Variants in STARD9 observed in about 807,000 individuals in gnomAD.
The protein encoded by STARD9 is stAR-related lipid transfer protein 9.
A neutral mutation model predicts 399.8 loss-of-function variants in STARD9; 346 were observed. The observed-to-expected ratio is 0.87, with a 90% CI of 0.79 to 0.95. The LOEUF (loss-of-function observed/expected upper bound fraction) is 0.95. Ranked by LOEUF, STARD9 falls within the 40% of genes least tolerant of loss-of-function variation. The pLI is 0.00. For missense variants in STARD9, 5,832 were observed against 5,667.5 expected, an observed-to-expected ratio of 1.03 and a Z score of -0.93; for synonymous variants, 2,203 against 2,143.5, an observed-to-expected ratio of 1.03 and a Z score of -0.77.
chr15:42,590,084 C>T (rs2058364916), intron 3 of STARD9, among the ~76,000 whole-genome samples: 1 of 151,806 alleles, frequency 6.6e-6, no homozygotes, highest in Non-Finnish European at 1.5e-5. Context: ...CCTCAGCCTC[C>T]TGAGTAGCTG....
intron 4 of STARD9, 150 bp downstream of exon 4, chr15:42,635,122 T>C: frequency 2.0e-6 from 1 of 503,586 alleles, no homozygotes; most frequent in Admixed American, 3.8e-5. Context: ...AATGAGTTTT[T>C]CGGCTGGGCG....
intron 11 of STARD9, 118 bp from the exon 12 acceptor site, chr15:42,663,163 A>G (rs1243480779): frequency 1.0e-6 from 1 of 964,182 alleles, no homozygotes; most frequent in Non-Finnish European, 1.5e-6. Context: ...ATCCTATTGT[A>G]TGCAGAAGGG....
intron 1 of STARD9, among the ~76,000 whole-genome samples, chr15:42,577,978 C>T (rs2058090745): frequency 6.6e-6 from 1 of 152,178 alleles, no homozygotes; most frequent in African/African-American, 2.4e-5. Context: ...AATGGTTTGG[C>T]TTAAGTTCTA....
At chr15:42,682,646 G>C in intron 22 of STARD9, 71 bp downstream of exon 22, 2 of 1,251,768 alleles carry the variant, frequency 1.6e-6, no homozygotes, top group Non-Finnish European at 1.1e-6. Context: ...GTAGTTTTCT[G>C]TTTTTCCCCA....
At chr15:42,650,233 T>C (rs1198244624) in intron 7 of STARD9, among the ~76,000 whole-genome samples, 1 of 152,172 alleles carries the variant, frequency 6.6e-6, no homozygotes, top group Non-Finnish European at 1.5e-5. Context: ...TTCTATTGAC[T>C]ATTATTTTTG....
intron 3 of STARD9, among the ~76,000 whole-genome samples, chr15:42,611,193 T>G (rs1037389696): frequency 9.2e-5 from 14 of 152,348 alleles, no homozygotes; most frequent in African/African-American, 2.9e-4. Context: ...AAAGATTTTT[T>G]GAAATACAGC....
In STARD9 at chr15:42,634,907, A is replaced by G; in HGVS notation, c.286A>G (p.Asn96Asp). The change falls in exon 4 of 33, where the codon AAC becomes GAC. Residue 96 changes from asparagine (N) to aspartate (D), a missense_variant. By Grantham distance (23) the Asn-to-Asp change is conservative. Around this residue, in one of 2 missense-constraint regions of STARD9, gnomAD observed 5,828 missense variants for 5,651.1 expected, o/e 1.03. Coordinates refer to ENST00000290607, the MANE Select transcript of STARD9 (RefSeq NM_020759.3). ...EVLSGVAKGYNICLFAYGQTG... is the reference protein window; with the variant it reads ...EVLSGVAKGYDICLFAYGQTG... ...ACTGTCTGGAGTTGCCAAAGGCTAT[A>G]ACATATGCCTTTTTGCTTATGGACA... The G allele has an allele frequency of 1.3e-6, 2 of 1,537,066 alleles. No homozygotes were observed. The highest frequency in any genetic ancestry group is 1.7e-6 in the Non-Finnish European group (2 of 1,146,750).
Position 42,692,786 on chromosome 15 carries a change from C to T in STARD9, c.11208C>T (p.Ser3736=). The T allele has an allele frequency of 6.5e-7, 1 of 1,537,144 alleles. No homozygotes were observed. The highest frequency in any genetic ancestry group is 8.7e-7 in the Non-Finnish European group (1 of 1,146,890). The change falls in exon 23 of 33, where the codon AGC becomes AGT. Residue 3736 remains serine, a synonymous_variant. Coordinates refer to ENST00000290607, the MANE Select transcript of STARD9 (RefSeq NM_020759.3). ...CTCAGACCACTGTGGATGAGGGCAGCCAGACTGACCTCACCTTACCCACCC... is the reference window on the plus strand; with the variant it reads ...CTCAGACCACTGTGGATGAGGGCAGTCAGACTGACCTCACCTTACCCACCC... ...GSTQTTVDEG[S]QTDLTLPTLC...
chr15:42,652,387 G>T, intron 8 of STARD9, 133 bp from the exon 9 acceptor site: 1 of 743,542 alleles, frequency 1.3e-6, no homozygotes, highest in Non-Finnish European at 2.3e-6. Context: ...CACGATACTG[G>T]ACTAAATATG....
chr15:42,693,163 G>A lies in STARD9; in HGVS notation c.11585G>A (p.Ser3862Asn). 1 of 1,537,132 alleles carries A rather than the reference G, an allele frequency of 6.5e-7. No individual in the cohort carries two copies. Among genetic ancestry groups the A allele is most frequent in the African/African-American group, 1.4e-5 (1 of 73,128 alleles). ...TTAGTTGTCAGCAGTCCCAGTCCCA[G>A]CTCCCCTCATTCCCCAGGGCTCTTT... Reference protein sequence around the residue: ...YCLVVSSPSPSSPHSPGLFPS... With the variant: ...YCLVVSSPSPNSPHSPGLFPS... Residue 3862 changes from serine to asparagine, a missense_variant, in exon 23 of 33, where the codon AGC becomes AAC. By Grantham distance (46) the Ser-to-Asn change is conservative. Around this residue, in one of 2 missense-constraint regions of STARD9, gnomAD observed 5,828 missense variants for 5,651.1 expected, o/e 1.03. Coordinates refer to ENST00000290607, the MANE Select transcript of STARD9 (RefSeq NM_020759.3).
In STARD9 at chr15:42,695,144, C is replaced by T; in HGVS notation, c.12967C>T (p.Pro4323Ser). ...CCACCCCGTGATCTTCCTCAGGAGC[C>T]CAGAGTCAGTGTCAAGGTCAGCTCA... The part of the protein sequence containing the change: ...RKDVVETTRS[P>S]ESVSRSAHTP... The change falls in exon 25 of 33, where the codon CCA (proline) becomes TCA (serine). Residue 4323 changes from proline to serine, a missense_variant. Transcript: ENST00000290607. The T allele has an allele frequency of 6.5e-7, 1 of 1,527,948 alleles. No individual in the cohort carries two copies. The highest frequency in any genetic ancestry group is 8.8e-7 in the Non-Finnish European group (1 of 1,140,388). The allele number at this position is 1,527,948 out of a possible 1,614,324, so 94.6% of individuals were successfully genotyped here.
chr15:42,692,600 G>T lies in STARD9; in HGVS notation c.11022G>T (p.Trp3674Cys), dbSNP rs555037620. The T allele has an allele frequency of 6.5e-7, 1 of 1,537,072 alleles. No homozygotes were observed. The highest frequency in any genetic ancestry group is 1.2e-5 in the South Asian group (1 of 84,054). The change falls in exon 23 of 33, where the codon TGG becomes TGT. Residue 3674 changes from tryptophan (W) to cysteine (C), a missense_variant. Trp to Cys is a radical substitution (Grantham distance 215). This residue lies in a region of STARD9 where 5,828 missense variants were observed against 5,651.1 expected (regional missense o/e 1.03). Coordinates refer to ENST00000290607, the MANE Select transcript of STARD9 (RefSeq NM_020759.3). ...TATCAGCCTTTGATCTGGCCTCATG[G>T]ACCAGCATGCACAATCTGTCTCTCC... is the stretch of plus-strand genomic sequence containing the variant. ...SAVSAFDLAS[W>C]TSMHNLSLHL... is the part of the protein sequence containing the mutation.
chr15:42,592,359 A>G (rs2058415168), intron 3 of STARD9, among the ~76,000 whole-genome samples: 1 of 152,126 alleles, frequency 6.6e-6, no homozygotes, highest in South Asian at 2.1e-4. Flanking sequence ...AGTGAATGGG[A>G]TGTGGTTGGA....
chr15:42,692,903 G>A lies in STARD9; in HGVS notation c.11325G>A (p.Glu3775=). The A allele has an allele frequency of 6.5e-7, 1 of 1,537,272 alleles. No homozygotes were observed. The highest frequency in any genetic ancestry group is 8.7e-7 in the Non-Finnish European group (1 of 1,146,906). ...GSDTSTVSQE[E]GDVPGVPQKR... is the part of the protein sequence containing the mutation. ...ATACCTCGACTGTGTCTCAAGAAGAGGGAGATGTGCCAGGGGTACCTCAGA... is the reference window on the plus strand; with the variant it reads ...ATACCTCGACTGTGTCTCAAGAAGAAGGAGATGTGCCAGGGGTACCTCAGA... The change falls in exon 23 of 33, where the codon GAG becomes GAA. Residue 3775 remains glutamate, a synonymous_variant. Coordinates refer to ENST00000290607, the MANE Select transcript of STARD9 (RefSeq NM_020759.3).
intron 20 of STARD9, among the ~76,000 whole-genome samples, chr15:42,680,974 G>C (rs1380632091): frequency 3.3e-5 from 5 of 152,212 alleles, no homozygotes; most frequent in Non-Finnish European, 7.3e-5. Flanking sequence ...TGGAGGTGCA[G>C]TAACAATCTC....
chr15:42,597,737 A>G (rs1281424479), intron 3 of STARD9, among the ~76,000 whole-genome samples: 1 of 151,894 alleles, frequency 6.6e-6, no homozygotes, highest in African/African-American at 2.4e-5. Flanking sequence ...GAGTTTCACC[A>G]TGTTGGCCAG....
rs568429587 is a variant in STARD9 at position 42,642,042 on chromosome 15, AT to A, written c.559+3231del. ...GATCTTAGTAAACTTTTTTAAAAAAATGTTTTCTTTCTTTATTGATACATAT... is the reference window on the plus strand; with the variant it reads ...GATCTTAGTAAACTTTTTTAAAAAAAGTTTTCTTTCTTTATTGATACATAT... On this transcript the variant is annotated intron_variant, in intron 7 of 32. Transcript: ENST00000290607. Among the ~76,000 whole-genome samples the A allele has an allele frequency of 3.3e-3, 501 of 152,304 alleles. 3 individuals are homozygous for A. The highest frequency in any genetic ancestry group is 5.7e-3 in the Non-Finnish European group (385 of 68,014).
rs1473606142 is a variant in STARD9 at position 42,692,069 on chromosome 15, C to G, written c.10491C>G (p.Ser3497Arg). 1 of 1,537,224 alleles carries G rather than the reference C, an allele frequency of 6.5e-7. No individual in the cohort carries two copies. Among genetic ancestry groups the G allele is most frequent in the Non-Finnish European group, 8.7e-7 (1 of 1,146,912 alleles). ...MSGSAVDVSCSQKPQGLTLSN... is the reference protein window; with the variant it reads ...MSGSAVDVSCRQKPQGLTLSN... Reference sequence around the variant, plus strand: ...GCAGTGCAGTCGATGTTTCCTGCAGCCAGAAGCCCCAGGGGCTGACACTAT... The same window carrying G: ...GCAGTGCAGTCGATGTTTCCTGCAGGCAGAAGCCCCAGGGGCTGACACTAT... Residue 3497 changes from serine (S) to arginine (R), a missense_variant, in exon 23 of 33, where the codon AGC becomes AGG. Ser to Arg is a moderately radical substitution (Grantham distance 110). Coordinates refer to ENST00000290607, the MANE Select transcript of STARD9 (RefSeq NM_020759.3).
chr15:42,693,274 C>T lies in STARD9; in HGVS notation c.11696C>T (p.Ser3899Phe). The T allele has an allele frequency of 3.9e-6, 6 of 1,537,124 alleles. No individual in the cohort carries two copies. The highest frequency in any genetic ancestry group is 5.2e-6 in the Non-Finnish European group (6 of 1,146,896). The change falls in exon 23 of 33, where the codon TCC becomes TTC. Residue 3899 changes from serine (S) to phenylalanine (F), a missense_variant. This residue lies in a region of STARD9 where 5,828 missense variants were observed against 5,651.1 expected (regional missense o/e 1.03). Transcript: ENST00000290607. Reference protein sequence around the residue: ...TSALFVDRASSPILTLSASTQ... With the variant: ...TSALFVDRASFPILTLSASTQ... ...GCTTTGTTCGTGGACAGGGCCTCCT[C>T]CCCAATCCTCACTCTTAGTGCCAGC...
Sources: gnomAD v4.1 joint callset for allele counts (sites outside exome capture counted in the v4.1 genomes callset) on GRCh38, gnomAD v4.1.1 for gene constraint, gnomAD v4.1.1 regional missense constraint, MANE v1.5 for transcripts, NCBI Gene and HGNC (gene_info 2026-07-23, HGNC 2026-07-21) for gene names.